Variants in PALS1 observed in about 807,000 individuals in gnomAD.
The protein encoded by PALS1 is protein PALS1.
Under a neutral mutation model 78.9 loss-of-function variants are expected in PALS1, and 31 were observed. The observed-to-expected ratio is 0.39, with a 90% CI of 0.30 to 0.53. The LOEUF (loss-of-function observed/expected upper bound fraction) is 0.53, where lower values mean the gene tolerates loss of function less well. PALS1 is among the 20% of genes least tolerant of loss of function. The pLI is 0.67. For synonymous variants in PALS1, 276 were observed against 270.9 expected, an observed-to-expected ratio of 1.02 and a Z score of -0.18; for missense variants, 704 against 826.5, an observed-to-expected ratio of 0.85 and a Z score of 1.82.
chr14:67,332,480 A>T (rs1009317416), intron 14 of PALS1, among the ~76,000 whole-genome samples: 3 of 152,228 alleles, frequency 2.0e-5, no homozygotes, highest in East Asian at 1.9e-4. Flanking sequence ...GTAGGGAAAC[A>T]GTGTGTGTTC....
At chr14:67,298,407 C>T (rs538001476) in intron 4 of PALS1, among the ~76,000 whole-genome samples, 4 of 151,578 alleles carry the variant, frequency 2.6e-5, no homozygotes, top group African/African-American at 9.7e-5. Context: ...CCCAGCTACT[C>T]AGGAGTCTGA....
intron 1 of PALS1, among the ~76,000 whole-genome samples, chr14:67,254,531 T>A (rs146813835): frequency 6.6e-6 from 1 of 152,330 alleles, no homozygotes; most frequent in East Asian, 1.9e-4. Flanking sequence ...TGTATTCTCA[T>A]TAGCCTTCCT....
At chr14:67,273,240 A>G (rs1168853325) in intron 2 of PALS1, among the ~76,000 whole-genome samples, 3 of 151,516 alleles carry the variant, frequency 2.0e-5, no homozygotes, top group Non-Finnish European at 4.4e-5. Context: ...TACATTAGGT[A>G]TATCTCCTAA....
chr14:67,330,691 C>G (rs886079069), intron 14 of PALS1, among the ~76,000 whole-genome samples: 1 of 152,202 alleles, frequency 6.6e-6, no homozygotes, highest in African/African-American at 2.4e-5. Context: ...CTCCCGACCT[C>G]AGGTGATCCA....
In PALS1 at chr14:67,281,957, G is replaced by A. The variant is rs117267596; in HGVS notation, c.367+2420G>A. 5.4e-3 allele frequency among the ~76,000 whole-genome samples: 823 copies of A among 152,134 alleles called. 8 individuals are homozygous for A. Among genetic ancestry groups the A allele is most frequent in the African/African-American group, 0.018 (741 of 41,510 alleles). On this transcript the variant is annotated intron_variant, in intron 3 of 14. Transcript: ENST00000261681. Reference sequence around the variant, plus strand: ...ATGTGTGGTCCTTGAATTTAAGGCAGTTTTGTGTATTTTATTTTAAAGTAA... The same window carrying A: ...ATGTGTGGTCCTTGAATTTAAGGCAATTTTGTGTATTTTATTTTAAAGTAA...
chr14:67,289,719 T>G (rs1033341080), intron 3 of PALS1, among the ~76,000 whole-genome samples: 2 of 150,600 alleles, frequency 1.3e-5, no homozygotes, highest in Non-Finnish European at 3.0e-5. Flanking sequence ...GCAGACCTTA[T>G]AAGAAGAGAG....
intron 1 of PALS1, among the ~76,000 whole-genome samples, chr14:67,250,854 A>G (rs2084053508): frequency 6.6e-6 from 1 of 152,200 alleles, no homozygotes; most frequent in African/African-American, 2.4e-5. Flanking sequence ...AGCAAGATTG[A>G]TAGTTCATTT....
intron 11 of PALS1, among the ~76,000 whole-genome samples, chr14:67,319,310 A>C (rs967484951): frequency 6.6e-6 from 1 of 152,138 alleles, no homozygotes; most frequent in African/African-American, 2.4e-5. Context: ...GCAGGCTACT[A>C]GTTATCTGCT....
intron 6 of PALS1, 62 bp from the exon 7 acceptor site, chr14:67,302,342 TTAAAAA>T: frequency 1.6e-6 from 2 of 1,233,988 alleles, no homozygotes; most frequent in Non-Finnish European, 2.1e-6. Flanking sequence ...AAAATAGAAT[TTAAAAA>T]TAAATGCTTA....
intron 1 of PALS1, among the ~76,000 whole-genome samples, chr14:67,250,191 C>T (rs1447342861): frequency 6.6e-6 from 1 of 152,162 alleles, no homozygotes; most frequent in East Asian, 1.9e-4. Context: ...TTCAGCCACC[C>T]ACTCTTCCTT....
chr14:67,298,996 G>A (rs776565093), intron 4 of PALS1, among the ~76,000 whole-genome samples: 2 of 152,156 alleles, frequency 1.3e-5, no homozygotes, highest in Non-Finnish European at 2.9e-5. Context: ...TGTTGTTCTT[G>A]TATCAGTAGT....
intron 11 of PALS1, among the ~76,000 whole-genome samples, chr14:67,319,740 G>C (rs1168493979): frequency 6.6e-6 from 1 of 152,188 alleles, no homozygotes; most frequent in Non-Finnish European, 1.5e-5. Context: ...GGACGAGCTT[G>C]AACTATAGGA....
chr14:67,301,538 A>G (rs2084933085), intron 5 of PALS1, 72 bp downstream of exon 5: 1 of 987,756 alleles, frequency 1.0e-6, no homozygotes, highest in Non-Finnish European at 1.5e-6. Flanking sequence ...CAAAGACTCC[A>G]GTACTGGAAG....
chr14:67,252,115 A>G (rs1296630007), intron 1 of PALS1, among the ~76,000 whole-genome samples: 1 of 152,194 alleles, frequency 6.6e-6, no homozygotes, highest in Non-Finnish European at 1.5e-5. Context: ...TGTATCCCTT[A>G]TAATAAACCA....
intron 14 of PALS1, 146 bp downstream of exon 14, chr14:67,323,958 C>T: frequency 1.9e-6 from 1 of 536,778 alleles, no homozygotes. Flanking sequence ...CAAAAATTGC[C>T]ATGGTTGCCA....
In PALS1 at chr14:67,292,557, G is replaced by C. The variant is rs755897613; in HGVS notation, c.414G>C (p.Leu138Phe). 8.7e-6 allele frequency: 14 copies of C among 1,613,066 alleles called. No individual in the cohort carries two copies. ...CACTTAAACATATCCAACATACTTTGGTAGATTCTCAGAGCCAGGAGGATA... is the reference window on the plus strand; with the variant it reads ...CACTTAAACATATCCAACATACTTTCGTAGATTCTCAGAGCCAGGAGGATA... ...FSSLKHIQHT[L>F]VDSQSQEDIS... The change falls in exon 4 of 15, where the codon TTG becomes TTC. Residue 138 changes from leucine to phenylalanine, a missense_variant. Transcript: ENST00000261681.
chr14:67,297,035 C>G (rs1446602393), intron 4 of PALS1, among the ~76,000 whole-genome samples: 4 of 152,168 alleles, frequency 2.6e-5, no homozygotes, highest in African/African-American at 9.7e-5. Context: ...TCTTAGAAAG[C>G]CAGTCACATT....
chr14:67,268,694 A>G (rs529557466), intron 1 of PALS1, among the ~76,000 whole-genome samples: 1 of 152,324 alleles, frequency 6.6e-6, no homozygotes, highest in South Asian at 2.1e-4. Context: ...TATAGTGAGC[A>G]GTGAGCACAA....
intron 14 of PALS1, among the ~76,000 whole-genome samples, chr14:67,324,199 T>C (rs554708531): frequency 1.1e-3 from 164 of 152,368 alleles, no homozygotes; most frequent in Non-Finnish European, 1.7e-3. Context: ...CTTTATGTTC[T>C]GCTTTTTTTC....
Sources: gnomAD v4.1 joint callset for allele counts (sites outside exome capture counted in the v4.1 genomes callset) on GRCh38, gnomAD v4.1.1 for gene constraint, MANE v1.5 for transcripts, NCBI Gene and HGNC (gene_info 2026-07-23, HGNC 2026-07-21) for gene names.